Variants in KIF6 observed in about 807,000 individuals in gnomAD.
KIF6 encodes kinesin-like protein KIF6.
Under a neutral mutation model 112.7 loss-of-function variants are expected in KIF6, and 106 were observed. The observed-to-expected ratio is 0.94, with a 90% CI of 0.80 to 1.11. The LOEUF is 1.11. Ranked by LOEUF, KIF6 falls within the 50% of genes least tolerant of loss-of-function variation. The pLI is 0.00. For missense variants in KIF6, 929 were observed against 964.0 expected (o/e 0.96, Z 0.48); for synonymous variants, 339 against 339.9 (o/e 1.00, Z 0.03).
At chr6:39,473,431 T>C (rs1324712070) in intron 13 of KIF6, among the ~76,000 whole-genome samples, 1 of 152,190 alleles carries the variant, frequency 6.6e-6, no homozygotes, top group Non-Finnish European at 1.5e-5. Context: ...CTTACTTCCA[T>C]GTTTATCCAG....
At chr6:39,534,437 C>A (rs1778280880) in intron 13 of KIF6, among the ~76,000 whole-genome samples, 1 of 151,996 alleles carries the variant, frequency 6.6e-6, no homozygotes, top group Non-Finnish European at 1.5e-5. Flanking sequence ...GGAGCTGATG[C>A]AATCAACTGG....
At position 39,408,626 on chromosome 6, in the gene KIF6, C is replaced by CCT. The variant is rs143907480; in HGVS notation, c.1810+11320_1810+11321dup. ...AACAAGATATCTTTGTACATAGGTG[C>CCT]CTCTCTCTCTCTCTCTCTCTTTCTT... On this transcript the variant is annotated intron_variant, in intron 15 of 22. Transcript: ENST00000287152. Among the ~76,000 whole-genome samples the CCT allele has an allele frequency of 6.4e-4, 95 of 148,700 alleles. 1 individual carries two copies. Among genetic ancestry groups the CCT allele is most frequent in the East Asian group, 3.9e-3 (20 of 5,098 alleles).
At chr6:39,616,118 T>C (rs950995428) in intron 5 of KIF6, among the ~76,000 whole-genome samples, 7 of 152,206 alleles carry the variant, frequency 4.6e-5, no homozygotes, top group Admixed American at 1.3e-4. Flanking sequence ...CTTATATGGG[T>C]CACTGATTTG....
rs1790484630 is a variant in KIF6, at chr6:39,725,320, G to A, written c.-10C>T. 2 of 1,605,892 alleles carry A rather than the reference G, an allele frequency of 1.2e-6. No individual in the cohort carries two copies. Among genetic ancestry groups the A allele is most frequent in the African/African-American group, 1.4e-5 (1 of 73,750 alleles). ...TAGTCTGCTTCACCATCTCCTCCCT[G>A]GCTCTGCAATGACCCTTGACCTCTC... On this transcript the variant is annotated 5_prime_UTR_variant, in exon 1 of 23. Coordinates refer to ENST00000287152, the MANE Select transcript of KIF6 (RefSeq NM_145027.6).
intron 5 of KIF6, among the ~76,000 whole-genome samples, chr6:39,620,894 A>G (rs2446650): frequency 0.061 from 9,201 of 151,882 alleles, 858 homozygotes; most frequent in African/African-American, 0.2. Context: ...TCAGTCTCCC[A>G]AGTAGCTGAG....
intron 5 of KIF6, among the ~76,000 whole-genome samples, chr6:39,619,665 A>G (rs1410752765): frequency 6.6e-6 from 1 of 152,168 alleles, no homozygotes; most frequent in Non-Finnish European, 1.5e-5. Flanking sequence ...ACTGCTATGG[A>G]CATGTGAAGC....
At chr6:39,402,918 G>C (rs747805258) in intron 15 of KIF6, among the ~76,000 whole-genome samples, 1 of 152,142 alleles carries the variant, frequency 6.6e-6, no homozygotes, top group Non-Finnish European at 1.5e-5. Flanking sequence ...TTTCCTACTT[G>C]CCCTGACCAA....
At chr6:39,574,838 CT>C (rs1302856978) in intron 10 of KIF6, among the ~76,000 whole-genome samples, 2 of 152,122 alleles carry the variant, frequency 1.3e-5, no homozygotes, top group African/African-American at 4.8e-5. Flanking sequence ...TCTCTTTATC[CT>C]TTTATCTCAT....
At chr6:39,519,669 TGAA>T (rs1362618421) in intron 13 of KIF6, among the ~76,000 whole-genome samples, 1 of 126,856 alleles carries the variant, frequency 7.9e-6, no homozygotes, top group Non-Finnish European at 1.7e-5. Flanking sequence ...TAATATGACA[TGAA>T]GATCAACTGC....
intron 4 of KIF6, 63 bp from the exon 5 acceptor site, chr6:39,635,021 T>C: frequency 3.4e-6 from 3 of 879,218 alleles, no homozygotes; most frequent in Admixed American, 1.8e-5. Flanking sequence ...TAGATGAAGA[T>C]GAACACATTT....
intron 6 of KIF6, among the ~76,000 whole-genome samples, chr6:39,606,061 C>A (rs1782866590): frequency 1.3e-5 from 2 of 151,260 alleles, no homozygotes; most frequent in South Asian, 4.2e-4. Context: ...TCTAGATACA[C>A]CTTCTCTCAT....
At chr6:39,351,636 CAT>C (rs1764255855) in intron 19 of KIF6, among the ~76,000 whole-genome samples, 1 of 152,130 alleles carries the variant, frequency 6.6e-6, no homozygotes, top group Non-Finnish European at 1.5e-5. Flanking sequence ...CACACACACA[CAT>C]GCACATGTAC....
intron 13 of KIF6, among the ~76,000 whole-genome samples, chr6:39,491,650 TAG>T (rs1471220307): frequency 1.3e-4 from 20 of 152,164 alleles, no homozygotes; most frequent in Non-Finnish European, 1.9e-4. Flanking sequence ...AAGGGACTTG[TAG>T]AGTCTGTTAG....
chr6:39,598,785 A>G (rs190739865), intron 6 of KIF6, among the ~76,000 whole-genome samples: 10 of 152,322 alleles, frequency 6.6e-5, no homozygotes, highest in Admixed American at 6.5e-4. Context: ...AGATGTTAAA[A>G]TAAAGCAACT....
intron 6 of KIF6, among the ~76,000 whole-genome samples, chr6:39,603,376 T>A (rs959119968): frequency 6.6e-6 from 1 of 152,082 alleles, no homozygotes; most frequent in Non-Finnish European, 1.5e-5. Context: ...TCTACTGCCC[T>A]TTATTCCTCT....
intron 13 of KIF6, among the ~76,000 whole-genome samples, chr6:39,487,686 C>G (rs937049924): frequency 2.6e-5 from 4 of 152,178 alleles, no homozygotes; most frequent in African/African-American, 9.7e-5. Flanking sequence ...TCTAAATTCA[C>G]CACTGAATCC....
chr6:39,462,344 G>A (rs1167391112), intron 13 of KIF6, among the ~76,000 whole-genome samples: 1 of 152,106 alleles, frequency 6.6e-6, no homozygotes, highest in East Asian at 1.9e-4. Flanking sequence ...TTATCACCAT[G>A]AGGCAAACTC....
intron 7 of KIF6, among the ~76,000 whole-genome samples, chr6:39,589,342 T>A (rs1415781948): frequency 6.6e-6 from 1 of 152,200 alleles, no homozygotes; most frequent in Non-Finnish European, 1.5e-5. Context: ...TACTTATCAC[T>A]ATTTAAAATT....
intron 13 of KIF6, among the ~76,000 whole-genome samples, chr6:39,527,079 T>C (rs552815422): frequency 6.6e-6 from 1 of 152,362 alleles, no homozygotes; most frequent in African/African-American, 2.4e-5. Flanking sequence ...ACTTTACAAA[T>C]AGTAGTTTGT....
Sources: allele counts gnomAD v4.1 joint callset (sites outside exome capture counted in the v4.1 genomes callset), GRCh38; gene constraint gnomAD v4.1.1; transcripts MANE v1.5; gene names NCBI Gene and HGNC (gene_info 2026-07-23, HGNC 2026-07-21).